NAV2: variants seen among roughly 807,000 people sequenced by gnomAD.
NAV2 encodes neuron navigator 2, also known as helicase, APC down-regulated 1.
Under a neutral mutation model 223.2 loss-of-function variants are expected in NAV2, and 54 were observed. The ratio of observed to expected loss-of-function variants is 0.24; its 90% CI spans 0.19 to 0.30. The LOEUF (loss-of-function observed/expected upper bound fraction) is 0.30, where lower values mean the gene tolerates loss of function less well. Ranked by LOEUF, NAV2 falls within the 10% of genes least tolerant of loss-of-function variation. The pLI is 1.00. For missense variants in NAV2, 2,806 were observed against 3,147.5 expected (o/e 0.89, Z 2.60); for synonymous variants, 1,279 against 1,239.3 (o/e 1.03, Z -0.67).
chr11:19,984,271 G>A, intron 11 of NAV2, 24 bp downstream of exon 11: 6 of 1,613,188 alleles, frequency 3.7e-6, no homozygotes, highest in Non-Finnish European at 5.1e-6. Context: ...ACTTGGGGCT[G>A]GTCAGATGCA....
Position 19,466,077 on chromosome 11 carries a change from C to T in NAV2, c.75+115050C>T, listed in dbSNP as rs552047265. Among the ~76,000 whole-genome samples, 6 of 152,284 alleles carry T rather than the reference C, an allele frequency of 3.9e-5. No individual in the cohort carries two copies. The East Asian group carries it at 9.6e-4, about 24-fold the overall frequency. ...CATTTAGTTGAATTTCTTGTTTCCA[C>T]GAGAAGAGTGATGACGATGATAATG... is the stretch of plus-strand genomic sequence containing the variant. On this transcript the variant is annotated intron_variant, in intron 1 of 37. Coordinates refer to the NAV2 transcript ENST00000360655.
chr11:19,669,762 C>T lies in NAV2; in HGVS notation c.76-162722C>T, dbSNP rs180786321. 3.9e-3 allele frequency among the ~76,000 whole-genome samples: 595 copies of T among 152,278 alleles called. 5 individuals carry two copies. Among genetic ancestry groups the T allele is most frequent in the African/African-American group, 0.013 (558 of 41,554 alleles). ...AGTTCCCTTTCCTCTTAGTAAATTCCAAGTGCCTTTCAGTGCCCTTTTAAG... is the reference window on the plus strand; with the variant it reads ...AGTTCCCTTTCCTCTTAGTAAATTCTAAGTGCCTTTCAGTGCCCTTTTAAG... On this transcript the variant is annotated intron_variant, in intron 1 of 37. Transcript: ENST00000360655.
chr11:19,755,955 G>A (rs761304310), intron 1 of NAV2, among the ~76,000 whole-genome samples: 4 of 152,198 alleles, frequency 2.6e-5, no homozygotes, highest in African/African-American at 9.6e-5. Context: ...CAAGATAACT[G>A]CACAGCCTAG....
chr11:19,402,188 G>A (rs571616463), intron 1 of NAV2, among the ~76,000 whole-genome samples: 2 of 152,316 alleles, frequency 1.3e-5, no homozygotes, highest in Admixed American at 6.5e-5. Context: ...TGTTCTCTTA[G>A]CAATGTGCTG....
chr11:19,711,351 T>C (rs2049865197), upstream of NAV2: 2 of 152,234 alleles, frequency 1.3e-5, no homozygotes, highest in African/African-American at 4.8e-5. Context: ...GAGACTAGGA[T>C]GCCAACACGG....
Position 19,899,987 on chromosome 11 carries a change from G to C in NAV2, c.931+7393G>C, listed in dbSNP as rs533438509. 5.9e-5 allele frequency among the ~76,000 whole-genome samples: 9 copies of C among 152,254 alleles called. No homozygotes were observed. In the South Asian group the frequency reaches 1.7e-3, roughly 28 times the overall value. On this transcript the variant is annotated intron_variant, in intron 6 of 37. Coordinates refer to ENST00000349880, the MANE Select transcript of NAV2 (RefSeq NM_145117.5). The stretch of plus-strand genomic sequence containing the variant: ...GTCATTGCTGGAGCTATTATCCCAG[G>C]CCAGGGAGAGCTTAGGTGTCGGTTG...
chr11:19,587,657 G>T (rs1319923791), intron 1 of NAV2, among the ~76,000 whole-genome samples: 2 of 152,102 alleles, frequency 1.3e-5, no homozygotes, highest in African/African-American at 4.8e-5. Context: ...TTTTCTTTGG[G>T]TACCCAATCC....
chr11:19,583,485 G>C (rs1776661399), intron 1 of NAV2, among the ~76,000 whole-genome samples: 1 of 152,160 alleles, frequency 6.6e-6, no homozygotes, highest in Non-Finnish European at 1.5e-5. Flanking sequence ...TCCAGTTTTT[G>C]CCCATTCAGT....
At position 19,948,948 on chromosome 11, in the gene NAV2, T is replaced by G; in HGVS notation, c.2513T>G (p.Val838Gly). 1 of 1,613,970 alleles carries G rather than the reference T, an allele frequency of 6.2e-7. No individual in the cohort carries two copies. The highest frequency in any genetic ancestry group is 8.5e-7 in the Non-Finnish European group (1 of 1,179,898). Residue 838 changes from valine (V) to glycine (G), a missense_variant, in exon 10 of 38, where the codon GTC (valine) becomes GGC (glycine). Val to Gly is a moderately radical substitution (Grantham distance 109, BLOSUM62 -3). Transcript: ENST00000349880. ...CAGCTGGCCTCCCGGGGCAGTAGTG[T>G]CTGCCATGTGGACGTCTCAGACAAG... Reference protein sequence around the residue: ...RRQLASRGSSVCHVDVSDKAG... With the variant: ...RRQLASRGSSGCHVDVSDKAG...
intron 10 of NAV2, among the ~76,000 whole-genome samples, chr11:19,978,111 C>G (rs577255761): frequency 5.1e-4 from 77 of 151,868 alleles, no homozygotes; most frequent in African/African-American, 1.8e-3. Flanking sequence ...AGGCGTGAGC[C>G]ACCACACCCA....
At chr11:19,395,490 A>T (rs1849413136) in intron 1 of NAV2, among the ~76,000 whole-genome samples, 1 of 152,230 alleles carries the variant, frequency 6.6e-6, no homozygotes, top group African/African-American at 2.4e-5. Context: ...CAGTACCTGT[A>T]GCTTGTCTTT....
At chr11:19,687,761 A>T (rs2049062766) in intron 1 of NAV2, among the ~76,000 whole-genome samples, 1 of 129,748 alleles carries the variant, frequency 7.7e-6, no homozygotes, top group South Asian at 3.0e-4. Context: ...ACATCTGTGT[A>T]CATGTGCATG....
intron 11 of NAV2, among the ~76,000 whole-genome samples, chr11:20,011,578 G>A (rs1001210557): frequency 5.9e-5 from 9 of 152,178 alleles, no homozygotes; most frequent in Admixed American, 2.0e-4. Context: ...GACACACATC[G>A]CTTAAGCAAC....
chr11:19,831,628 G>C (rs1450478635), intron 1 of NAV2, among the ~76,000 whole-genome samples: 1 of 152,162 alleles, frequency 6.6e-6, no homozygotes, highest in Non-Finnish European at 1.5e-5. Flanking sequence ...TTTTGGCTTT[G>C]ATGGCTGGGG....
At chr11:19,641,719 T>C (rs2047672016) in intron 1 of NAV2, among the ~76,000 whole-genome samples, 1 of 151,994 alleles carries the variant, frequency 6.6e-6, no homozygotes, top group Non-Finnish European at 1.5e-5. Flanking sequence ...TGACTCTTTC[T>C]CATCCTTCAG....
intron 1 of NAV2, among the ~76,000 whole-genome samples, chr11:19,459,950 A>G (rs1197330794): frequency 1.3e-5 from 2 of 152,204 alleles, no homozygotes; most frequent in African/African-American, 4.8e-5. Flanking sequence ...ACTTATCAGC[A>G]TGGTGTAGTG....
At position 19,713,419 on chromosome 11, in the gene NAV2, G is replaced by A; in HGVS notation, c.-277G>A. 8.1e-7 allele frequency: 1 copy of A among 1,233,390 alleles called. No individual in the cohort carries two copies. The highest frequency in any genetic ancestry group is 1.0e-6 in the Non-Finnish European group (1 of 989,602). 76.4% of individuals were successfully genotyped at this position (1,233,390 alleles called of 1,614,324 possible). ...CCTGAGCGCCCAGAGCTCTTGAAAGGCCACCCAGGAGAGGTGTGAGACCCG... is the reference window on the plus strand; with the variant it reads ...CCTGAGCGCCCAGAGCTCTTGAAAGACCACCCAGGAGAGGTGTGAGACCCG... On this transcript the variant is annotated 5_prime_UTR_variant, in exon 1 of 38. Transcript: ENST00000349880. The surrounding 1 kb of genome is among the most constrained non-coding windows in gnomAD (Gnocchi z 7.2).
Position 19,938,265 on chromosome 11 carries a change from A to G in NAV2, c.2034-1396A>G, listed in dbSNP as rs557774528. Among the ~76,000 whole-genome samples, 5 of 152,320 alleles carry G rather than the reference A, an allele frequency of 3.3e-5. No individual in the cohort carries two copies. The South Asian group carries it at 8.3e-4, about 25-fold the overall frequency. On this transcript the variant is annotated intron_variant, in intron 7 of 37. Transcript: ENST00000349880. ...CATCACGTCAGTATTACAAAAGTCA[A>G]TGAAAGATCGTGTGGGGAGTAGACC...
chr11:19,668,505 C>A (rs1341631852), intron 1 of NAV2, among the ~76,000 whole-genome samples: 6 of 118,792 alleles, frequency 5.1e-5, no homozygotes, highest in African/African-American at 1.7e-4. Context: ...TGCACTCTAG[C>A]CTGGGCAACA....
Sources: allele counts gnomAD v4.1 joint callset (sites outside exome capture counted in the v4.1 genomes callset), GRCh38; gene constraint gnomAD v4.1.1; non-coding constraint Gnocchi (gnomAD v3.1); transcripts MANE v1.5; gene names NCBI Gene and HGNC (gene_info 2026-07-23, HGNC 2026-07-21).